Variants in PXDNL observed in about 807,000 individuals in gnomAD.
The protein encoded by PXDNL is probable oxidoreductase PXDNL.
Under a neutral mutation model 150.8 loss-of-function variants are expected in PXDNL, and 145 were observed. The ratio of observed to expected loss-of-function variants is 0.96; its 90% confidence interval spans 0.84 to 1.10. The LOEUF is 1.10. Ranked by LOEUF, PXDNL falls within the 50% of genes least tolerant of loss-of-function variation. The pLI, the probability that PXDNL is intolerant of heterozygous loss-of-function variation, is 0.00. For synonymous variants in PXDNL, 757 were observed against 725.7 expected, an observed-to-expected ratio of 1.04 and a Z score of -0.69; for missense variants, 2,087 against 1,873.9, an observed-to-expected ratio of 1.11 and a Z score of -2.10.
chr8:51,732,383 C>A (rs553046536), intron 1 of PXDNL, among the ~76,000 whole-genome samples: 1 of 152,316 alleles, frequency 6.6e-6, no homozygotes. Flanking sequence ...TCAGCCTGGA[C>A]TTTATTTTCC....
intron 2 of PXDNL, among the ~76,000 whole-genome samples, chr8:51,612,169 T>G (rs1416767985): frequency 6.6e-6 from 1 of 151,680 alleles, no homozygotes; most frequent in East Asian, 1.9e-4. Flanking sequence ...GAGGCTGGAG[T>G]TTTGAAGAGC....
At chr8:51,696,912 A>T (rs143764189) in intron 1 of PXDNL, among the ~76,000 whole-genome samples, 2 of 17,700 alleles carry the variant, frequency 1.1e-4, no homozygotes, top group East Asian at 3.4e-3. Flanking sequence ...TTTGCTGATT[A>T]TATTGTTGCT....
At chr8:51,777,577 C>T (rs2037365826) in intron 1 of PXDNL, among the ~76,000 whole-genome samples, 1 of 152,160 alleles carries the variant, frequency 6.6e-6, no homozygotes, top group African/African-American at 2.4e-5. Context: ...AGTACACAGC[C>T]TTCATGAAGT....
At chr8:51,560,902 C>T (rs1042216425) in intron 3 of PXDNL, among the ~76,000 whole-genome samples, 3 of 150,512 alleles carry the variant, frequency 2.0e-5, no homozygotes, top group African/African-American at 4.9e-5. Context: ...AGTTAATATC[C>T]AGAATATACA....
chr8:51,437,922 A>C (rs1809444902), intron 12 of PXDNL, among the ~76,000 whole-genome samples: 1 of 152,202 alleles, frequency 6.6e-6, no homozygotes, highest in South Asian at 2.1e-4. Flanking sequence ...AAGGCTCCTC[A>C]AAAAAGTTCC....
At chr8:51,451,775 T>C (rs529088740) in intron 10 of PXDNL, among the ~76,000 whole-genome samples, 1 of 152,276 alleles carries the variant, frequency 6.6e-6, no homozygotes, top group East Asian at 1.9e-4. Flanking sequence ...CCTGTTAAAA[T>C]GACACAAAAG....
intron 4 of PXDNL, among the ~76,000 whole-genome samples, chr8:51,510,855 T>G (rs1052029225): frequency 6.6e-6 from 1 of 152,118 alleles, no homozygotes. Context: ...CACTGAGATA[T>G]GTAGGGGCTG....
chr8:51,439,979 T>C (rs1809501841), intron 12 of PXDNL, among the ~76,000 whole-genome samples: 1 of 151,772 alleles, frequency 6.6e-6, no homozygotes, highest in African/African-American at 2.4e-5. Flanking sequence ...TGCAAAAATA[T>C]GAAACCAGCC....
At chr8:51,677,990 G>T (rs1454294356) in intron 1 of PXDNL, among the ~76,000 whole-genome samples, 1 of 152,170 alleles carries the variant, frequency 6.6e-6, no homozygotes, top group Non-Finnish European at 1.5e-5. Flanking sequence ...TAAAGAGTTT[G>T]CAGGGCTTAA....
intron 1 of PXDNL, among the ~76,000 whole-genome samples, chr8:51,777,835 G>A (rs192872980): frequency 4.6e-5 from 7 of 152,286 alleles, no homozygotes; most frequent in East Asian, 1.9e-4. Context: ...CCCGGGAGGC[G>A]GAGGTTGCAA....
At chr8:51,352,904 T>C (rs1289086211) in intron 19 of PXDNL, among the ~76,000 whole-genome samples, 1 of 152,052 alleles carries the variant, frequency 6.6e-6, no homozygotes, top group Non-Finnish European at 1.5e-5. Flanking sequence ...TAACAATGGG[T>C]ACCCATGGAT....
chr8:51,704,977 A>G (rs577217688), intron 1 of PXDNL, among the ~76,000 whole-genome samples: 1 of 152,318 alleles, frequency 6.6e-6, no homozygotes, highest in South Asian at 2.1e-4. Context: ...GGGATACTGG[A>G]GCCATTCAAG....
Position 51,321,638 on chromosome 8 carries a change from T to TGCTGCCATGTGAAGAAGGTGCTTGC in PXDNL, c.4147-766_4147-742dup, listed in dbSNP as rs1359241443. ...CCTCCCCCATTTGCTCTCTCTCTCCTGCTGCCATGTGAAGAAGGTGCTTGC... is the reference window on the plus strand; with the variant it reads ...CCTCCCCCATTTGCTCTCTCTCTCCTGCTGCCATGTGAAGAAGGTGCTTGCGCTGCCATGTGAAGAAGGTGCTTGC... On this transcript the variant is annotated intron_variant, in intron 21 of 22. Transcript: ENST00000356297. Among the ~76,000 whole-genome samples the TGCTGCCATGTGAAGAAGGTGCTTGC allele has an allele frequency of 4.6e-5, 7 of 152,240 alleles. No homozygotes were observed. In the East Asian group the frequency reaches 1.4e-3, roughly 30 times the overall value.
rs551374677 is a variant in PXDNL at position 51,795,335 on chromosome 8, C to T, written c.164+13846G>A. Among the ~76,000 whole-genome samples the T allele has an allele frequency of 7.2e-5, 11 of 152,310 alleles. No individual in the cohort carries two copies. The South Asian group carries it at 2.3e-3, about 32-fold the overall frequency. On this transcript the variant is annotated intron_variant, in intron 1 of 22. Transcript: ENST00000356297. ...AGAACTCTCCATCCAGAAAACAACA[C>T]AATATACATTCTTCTTGGTGCCACA...
chr8:51,642,581 T>C (rs1056515014), intron 2 of PXDNL, among the ~76,000 whole-genome samples: 1 of 152,066 alleles, frequency 6.6e-6, no homozygotes, highest in African/African-American at 2.4e-5. Flanking sequence ...CCACAGCCAA[T>C]ATCACACTGA....
chr8:51,658,134 G>T (rs1299603423), intron 1 of PXDNL, among the ~76,000 whole-genome samples: 2 of 152,064 alleles, frequency 1.3e-5, no homozygotes, highest in African/African-American at 4.8e-5. Flanking sequence ...CTTGAGCACA[G>T]GAGTTCGAGA....
At chr8:51,504,877 C>A (rs1305562228) in intron 4 of PXDNL, among the ~76,000 whole-genome samples, 1 of 152,170 alleles carries the variant, frequency 6.6e-6, no homozygotes, top group African/African-American at 2.4e-5. Context: ...GAGTATGAAT[C>A]CTAATAAAAG....
chr8:51,324,949 G>A (rs941137464), intron 21 of PXDNL, among the ~76,000 whole-genome samples: 1 of 152,076 alleles, frequency 6.6e-6, no homozygotes, highest in Non-Finnish European at 1.5e-5. Flanking sequence ...GGAGTGCAGT[G>A]GTGTGATCTT....
chr8:51,519,058 T>C (rs574236768), intron 4 of PXDNL, among the ~76,000 whole-genome samples: 1 of 152,272 alleles, frequency 6.6e-6, no homozygotes, highest in Admixed American at 6.5e-5. Flanking sequence ...ATTAGGAAAG[T>C]GAAAGTACTG....
Sources: gnomAD v4.1 joint callset for allele counts (sites outside exome capture counted in the v4.1 genomes callset) on GRCh38, gnomAD v4.1.1 for gene constraint, MANE v1.5 for transcripts, NCBI Gene and HGNC (gene_info 2026-07-23, HGNC 2026-07-21) for gene names.